The following NUP93 variants were observed in gnomAD, a reference collection of about 807,000 sequenced individuals.
The protein encoded by NUP93 is nuclear pore complex protein Nup93.
NUP93 carries 55 observed loss-of-function variants against 107.8 expected under a neutral mutation model. That is an observed-to-expected ratio of 0.51 (90% CI 0.41 to 0.64). The LOEUF (loss-of-function observed/expected upper bound fraction) is 0.64, where lower values mean the gene tolerates loss of function less well. NUP93 is among the 30% of genes least tolerant of loss of function. The pLI is 0.00. For missense variants in NUP93, 937 were observed against 1,044.7 expected (o/e 0.90, Z 1.42); for synonymous variants, 390 against 397.5 (o/e 0.98, Z 0.22).
At chr16:56,765,739 T>G (rs1204918379) in intron 3 of NUP93, among the ~76,000 whole-genome samples, 2 of 152,096 alleles carry the variant, frequency 1.3e-5, no homozygotes, top group African/African-American at 2.4e-5. Context: ...CCAGTATAAA[T>G]CTTAGAGCTG....
intron 1 of NUP93, chr16:56,748,027 T>C (rs1379371496): frequency 2.4e-6 from 1 of 415,172 alleles, no homozygotes; most frequent in Non-Finnish European, 4.4e-6. Flanking sequence ...TGCACAGAAA[T>C]GATCTGTTTT....
Position 56,818,736 on chromosome 16 carries a change from CA to C in NUP93, c.564del (p.Ile189PhefsTer9). ...TAACATCGAGATGGCCTATGCGCGG[CA>C]AGTGAGTGTGATTTTAAGGGGGATT... is the stretch of plus-strand genomic sequence containing the variant. ...LDNIEMAYAR[Q>X]IYIYNEKIVN... On this transcript the variant is annotated frameshift_variant and splice_region_variant, in exon 6 of 22. Transcript: ENST00000308159. LOFTEE classifies it high-confidence loss of function. The C allele has an allele frequency of 1.2e-6, 2 of 1,613,408 alleles. No homozygotes were observed. Among genetic ancestry groups the C allele is most frequent in the Non-Finnish European group, 1.7e-6 (2 of 1,179,404 alleles).
intron 10 of NUP93, chr16:56,831,581 A>G (rs189210436): frequency 1.8e-4 from 70 of 396,546 alleles, no homozygotes; most frequent in African/African-American, 1.4e-3. Context: ...ATGGAGTTCT[A>G]ATTCCCTGGC....
intron 3 of NUP93, among the ~76,000 whole-genome samples, chr16:56,759,999 T>A (rs1962094661): frequency 6.6e-6 from 1 of 152,242 alleles, no homozygotes; most frequent in Non-Finnish European, 1.5e-5. Flanking sequence ...TCCATTTTTT[T>A]ACCTTAAGGT....
In NUP93 at chr16:56,848,496, T is replaced by C. The variant is rs1964141113; in HGVS notation, c.*3887T>C. 1 of 152,212 alleles carries C rather than the reference T, an allele frequency of 6.6e-6. No homozygotes were observed. The allele number at this position is 152,212 out of a possible 1,614,324, so 9.4% of individuals were successfully genotyped here. ...TGTGGAAGAAAATATCCCCCATTCT[T>C]TATCCTACGCTGAATCCACAAGTCT... On this transcript the variant is annotated 3_prime_UTR_variant, in exon 22 of 22. Coordinates refer to ENST00000308159, the MANE Select transcript of NUP93 (RefSeq NM_014669.5).
At chr16:56,732,779 C>T (rs1332082199) in intron 1 of NUP93, among the ~76,000 whole-genome samples, 1 of 152,220 alleles carries the variant, frequency 6.6e-6, no homozygotes, top group Non-Finnish European at 1.5e-5. Context: ...AGATCTTTCA[C>T]TGGTGTGTTC....
At chr16:56,768,816 G>A (rs1053441885) in intron 3 of NUP93, among the ~76,000 whole-genome samples, 1 of 147,674 alleles carries the variant, frequency 6.8e-6, no homozygotes, top group South Asian at 2.1e-4. Flanking sequence ...GCGGTGAGCC[G>A]AGATTGCCCC....
chr16:56,738,315 G>A (rs1220948048), intron 1 of NUP93, among the ~76,000 whole-genome samples: 1 of 152,184 alleles, frequency 6.6e-6, no homozygotes, highest in Non-Finnish European at 1.5e-5. Flanking sequence ...AAGTTACTAT[G>A]TGGATAATTT....
chr16:56,805,597 G>C lies in NUP93; in HGVS notation c.454G>C (p.Gly152Arg), dbSNP rs1402195707. ...AATTCTGCACACACTGCTGGCATCAGGAGAAGACGCCCTTGACTTTACTCA... is the reference window on the plus strand; with the variant it reads ...AATTCTGCACACACTGCTGGCATCACGAGAAGACGCCCTTGACTTTACTCA... ...QRILHTLLAS[G>R]EDALDFTQES... The change falls in exon 5 of 22, where the codon GGA becomes CGA. Residue 152 changes from glycine (G) to arginine (R), a missense_variant. Transcript: ENST00000308159. 1 of 1,613,952 alleles carries C rather than the reference G, an allele frequency of 6.2e-7. No individual in the cohort carries two copies. The highest frequency in any genetic ancestry group is 8.5e-7 in the Non-Finnish European group (1 of 1,179,984).
intron 4 of NUP93, among the ~76,000 whole-genome samples, chr16:56,801,174 C>G (rs1257696676): frequency 1.3e-5 from 2 of 152,164 alleles, no homozygotes; most frequent in African/African-American, 2.4e-5. Context: ...CCCTCCTCTT[C>G]TCTTAGTTAT....
At chr16:56,804,561 A>T (rs1220607149) in intron 4 of NUP93, among the ~76,000 whole-genome samples, 1 of 152,214 alleles carries the variant, frequency 6.6e-6, no homozygotes, top group African/African-American at 2.4e-5. Context: ...GATGGTGGTG[A>T]TGATTGCACA....
intron 3 of NUP93, among the ~76,000 whole-genome samples, chr16:56,778,775 T>C (rs1962461773): frequency 6.6e-6 from 1 of 152,230 alleles, no homozygotes; most frequent in Non-Finnish European, 1.5e-5. Flanking sequence ...AAGCTATCAC[T>C]GTGGAAATGC....
chr16:56,732,151 C>T (rs1961546172), intron 1 of NUP93, among the ~76,000 whole-genome samples: 1 of 152,182 alleles, frequency 6.6e-6, no homozygotes, highest in Admixed American at 6.5e-5. Context: ...TTCCCCATTT[C>T]CCGCCTCCCT....
At chr16:56,732,613 G>A (rs1476972489) in intron 1 of NUP93, among the ~76,000 whole-genome samples, 4 of 152,212 alleles carry the variant, frequency 2.6e-5, no homozygotes, top group African/African-American at 9.6e-5. Context: ...GTGAGCCTGA[G>A]GGTCTGAACC....
intron 7 of NUP93, among the ~76,000 whole-genome samples, chr16:56,822,745 G>A (rs1963574472): frequency 6.6e-6 from 1 of 151,638 alleles, no homozygotes; most frequent in African/African-American, 2.4e-5. Context: ...TGTATTTTTG[G>A]TAGAGACGGG....
intron 8 of NUP93, among the ~76,000 whole-genome samples, chr16:56,824,257 G>A (rs183131721): frequency 2.8e-4 from 43 of 152,152 alleles, no homozygotes; most frequent in African/African-American, 9.9e-4. Flanking sequence ...AGGAAAACTC[G>A]TTTCCCCTTA....
intron 5 of NUP93, among the ~76,000 whole-genome samples, chr16:56,817,513 G>A (rs1397993294): frequency 6.6e-6 from 1 of 152,112 alleles, no homozygotes; most frequent in African/African-American, 2.4e-5. Flanking sequence ...TTATAAATGA[G>A]ATAAGCTTAA....
intron 5 of NUP93, among the ~76,000 whole-genome samples, chr16:56,810,826 GA>G (rs1239241182): frequency 5.3e-5 from 8 of 151,912 alleles, no homozygotes; most frequent in Admixed American, 5.2e-4. Context: ...CTATCAACAA[GA>G]GAAACCACTA....
At chr16:56,768,673 T>C (rs1321275552) in intron 3 of NUP93, among the ~76,000 whole-genome samples, 12 of 151,236 alleles carry the variant, frequency 7.9e-5, no homozygotes, top group Admixed American at 2.6e-4. Flanking sequence ...GAGACCATCC[T>C]GGCTAACACG....
Sources: allele counts gnomAD v4.1 joint callset (sites outside exome capture counted in the v4.1 genomes callset), GRCh38; gene constraint gnomAD v4.1.1; transcripts MANE v1.5; gene names NCBI Gene and HGNC (gene_info 2026-07-23, HGNC 2026-07-21).